RABGAP1L: variants seen among roughly 807,000 people sequenced by gnomAD.
RABGAP1L encodes rab GTPase-activating protein 1-like.
In RABGAP1L, 63 loss-of-function variants were observed where a neutral mutation model predicts 137.7. That is an observed-to-expected ratio of 0.46 (90% CI 0.37 to 0.56). RABGAP1L has a LOEUF of 0.56. RABGAP1L is among the 20% of genes least tolerant of loss of function. RABGAP1L has a pLI of 0.00. For synonymous variants in RABGAP1L, 431 were observed against 433.7 expected, an observed-to-expected ratio of 0.99 and a Z score of 0.08; for missense variants, 1,095 against 1,244.0, an observed-to-expected ratio of 0.88 and a Z score of 1.80.
intron 13 of RABGAP1L, among the ~76,000 whole-genome samples, chr1:174,401,827 G>A (rs908798786): frequency 3.9e-5 from 6 of 152,160 alleles, no homozygotes; most frequent in African/African-American, 1.4e-4. Context: ...AGTGACAAGT[G>A]AGGACAAAGA....
intron 13 of RABGAP1L, among the ~76,000 whole-genome samples, chr1:174,570,862 A>T (rs1473696109): frequency 2.6e-5 from 4 of 152,140 alleles, no homozygotes; most frequent in South Asian, 2.1e-4. Flanking sequence ...CAGTTTAGAG[A>T]TTCCTCAAAA....
At chr1:174,831,661 A>AAT (rs1274388304) in intron 19 of RABGAP1L, among the ~76,000 whole-genome samples, 2 of 148,432 alleles carry the variant, frequency 1.3e-5, no homozygotes, top group Non-Finnish European at 3.0e-5. Flanking sequence ...TTCTATGGAT[A>AAT]ATATATTTAG....
At chr1:174,468,856 A>G (rs760565802) in intron 13 of RABGAP1L, among the ~76,000 whole-genome samples, 9 of 152,138 alleles carry the variant, frequency 5.9e-5, no homozygotes, top group Non-Finnish European at 7.3e-5. Flanking sequence ...TGTTCAGTAA[A>G]TATTTGGGGG....
At chr1:174,202,848 C>A (rs1002733810) in intron 1 of RABGAP1L, among the ~76,000 whole-genome samples, 2 of 152,150 alleles carry the variant, frequency 1.3e-5, no homozygotes, top group Non-Finnish European at 2.9e-5. Context: ...AGGAAGGGAT[C>A]CAGTTTCAGC....
chr1:174,525,671 C>A (rs1663812431), intron 13 of RABGAP1L, among the ~76,000 whole-genome samples: 1 of 152,050 alleles, frequency 6.6e-6, no homozygotes, highest in South Asian at 2.1e-4. Context: ...ACTTCCAGTA[C>A]TGTGTTGAAT....
intron 1 of RABGAP1L, among the ~76,000 whole-genome samples, chr1:174,185,983 A>G (rs1048393056): frequency 2.0e-5 from 3 of 152,190 alleles, no homozygotes; most frequent in African/African-American, 4.8e-5. Context: ...GTCTTTACTA[A>G]AAATACAAAA....
At chr1:174,339,542 T>C (rs1681783887) in intron 11 of RABGAP1L, among the ~76,000 whole-genome samples, 1 of 152,222 alleles carries the variant, frequency 6.6e-6, no homozygotes, top group Admixed American at 6.5e-5. Context: ...TTTTTTATAT[T>C]GCTTATAAGT....
chr1:174,916,101 ATGAGG>A (rs1300380347), intron 19 of RABGAP1L, among the ~76,000 whole-genome samples: 3 of 123,310 alleles, frequency 2.4e-5, no homozygotes, highest in Non-Finnish European at 5.2e-5. Flanking sequence ...TTGGTATGGT[ATGAGG>A]TAAGGGTCTA....
At chr1:174,229,629 T>TA (rs913417087) in intron 3 of RABGAP1L, among the ~76,000 whole-genome samples, 29 of 151,992 alleles carry the variant, frequency 1.9e-4, no homozygotes, top group African/African-American at 6.5e-4. Flanking sequence ...CTAGCCTCAA[T>TA]AAATCTACAC....
intron 1 of RABGAP1L, among the ~76,000 whole-genome samples, chr1:174,218,824 G>A (rs942960787): frequency 1.3e-5 from 2 of 152,078 alleles, no homozygotes. Flanking sequence ...ATTTCTAAGA[G>A]AAATGAGAGT....
chr1:174,174,497 G>A (rs1401970251), intron 1 of RABGAP1L, among the ~76,000 whole-genome samples: 2 of 152,154 alleles, frequency 1.3e-5, no homozygotes, highest in African/African-American at 2.4e-5. Context: ...GAGAAATCCC[G>A]TGATAGGCCG....
At chr1:174,176,741 A>AAAAAAAT (rs755688394) in intron 1 of RABGAP1L, among the ~76,000 whole-genome samples, 1 of 111,778 alleles carries the variant, frequency 8.9e-6, no homozygotes, top group African/African-American at 3.6e-5. Context: ...AAAAAAAAAA[A>AAAAAAAT]AAAAAGGTCA....
intron 23 of RABGAP1L, among the ~76,000 whole-genome samples, chr1:174,981,381 T>C (rs978736911): frequency 1.3e-5 from 2 of 152,106 alleles, no homozygotes; most frequent in African/African-American, 2.4e-5. Flanking sequence ...CTGGAGAAAT[T>C]GGAATGAAAC....
intron 13 of RABGAP1L, among the ~76,000 whole-genome samples, chr1:174,584,308 CAA>C (rs1307134570): frequency 6.6e-6 from 1 of 152,116 alleles, no homozygotes; most frequent in Non-Finnish European, 1.5e-5. Context: ...TCATTTAAGC[CAA>C]AGTCTATAAA....
chr1:174,741,660 C>T (rs987135321), intron 17 of RABGAP1L, among the ~76,000 whole-genome samples: 1 of 151,952 alleles, frequency 6.6e-6, no homozygotes, highest in Non-Finnish European at 1.5e-5. Context: ...CTGTACCCGG[C>T]CCCCAGTATA....
intron 15 of RABGAP1L, among the ~76,000 whole-genome samples, chr1:174,686,512 G>A (rs2148487547): frequency 6.6e-6 from 1 of 152,122 alleles, no homozygotes; most frequent in East Asian, 1.9e-4. Flanking sequence ...AGAGGCTGGA[G>A]ACCATACCCA....
At chr1:174,689,623 T>G (rs1338717723) in intron 15 of RABGAP1L, among the ~76,000 whole-genome samples, 1 of 152,148 alleles carries the variant, frequency 6.6e-6, no homozygotes, top group Non-Finnish European at 1.5e-5. Flanking sequence ...AAAGGGACTA[T>G]TTTTTGCTAC....
chr1:174,660,598 G>T (rs368063247), intron 14 of RABGAP1L, among the ~76,000 whole-genome samples: 5 of 152,110 alleles, frequency 3.3e-5, no homozygotes, highest in African/African-American at 1.2e-4. Flanking sequence ...CATTCTTACG[G>T]TGATTTACCA....
At chr1:174,656,520 G>A (rs1458069105) in intron 14 of RABGAP1L, among the ~76,000 whole-genome samples, 1 of 152,188 alleles carries the variant, frequency 6.6e-6, no homozygotes, top group Non-Finnish European at 1.5e-5. Flanking sequence ...ACAGAGTTGT[G>A]CAACCATTAC....
Sources: gnomAD v4.1 joint callset for allele counts (sites outside exome capture counted in the v4.1 genomes callset) on GRCh38, gnomAD v4.1.1 for gene constraint, MANE v1.5 for transcripts, NCBI Gene and HGNC (gene_info 2026-07-23, HGNC 2026-07-21) for gene names.